The following CABLES2 variants were observed in gnomAD, a reference collection of about 807,000 sequenced individuals.
CABLES2 encodes Cdk5 and Abl enzyme substrate 2, also known as CDK5 and ABL1 enzyme substrate 2.
A neutral mutation model predicts 44.8 loss-of-function variants in CABLES2; 35 were observed. That is an observed-to-expected ratio of 0.78 (90% CI 0.60 to 1.04). The LOEUF (loss-of-function observed/expected upper bound fraction) is 1.04. CABLES2 is among the 50% of genes least tolerant of loss of function. The pLI is 0.00. For synonymous variants in CABLES2, 282 were observed against 281.1 expected (o/e 1.00, Z -0.03); for missense variants, 566 against 615.7 (o/e 0.92, Z 0.85).
In CABLES2 at chr20:62,390,286, A is replaced by G. The variant is rs971914969; in HGVS notation, c.*685T>C. 2 of 152,682 alleles carry G rather than the reference A, an allele frequency of 1.3e-5. No homozygotes were observed. Among genetic ancestry groups the G allele is most frequent in the African/African-American group, 4.8e-5 (2 of 41,436 alleles). 9.5% of individuals were successfully genotyped at this position (152,682 alleles called of 1,614,324 possible). ...GATTTCACAGTGACACGATGCTTGA[A>G]GAACAGAGAGGTCCAAGAGTCCAAG... On this transcript the variant is annotated 3_prime_UTR_variant, in exon 10 of 10. Coordinates refer to ENST00000279101, the MANE Select transcript of CABLES2 (RefSeq NM_031215.3).
intron 5 of CABLES2, 66 bp from the exon 6 acceptor site, chr20:62,393,671 G>C: frequency 6.7e-7 from 1 of 1,484,036 alleles, no homozygotes; most frequent in African/African-American, 1.4e-5. Flanking sequence ...GTGAGCTCCC[G>C]CTGCAGGAAG....
At chr20:62,400,530 G>A (rs1206981841) in intron 1 of CABLES2, among the ~76,000 whole-genome samples, 1 of 152,228 alleles carries the variant, frequency 6.6e-6, no homozygotes, top group African/African-American at 2.4e-5. Context: ...CCCCAGAGAG[G>A]TGTTTGTGTG....
chr20:62,406,375 T>G, intron 1 of CABLES2, among the ~76,000 whole-genome samples: 1 of 150,820 alleles, frequency 6.6e-6, no homozygotes, highest in Non-Finnish European at 1.5e-5. Context: ...CTGGTACCAG[T>G]GGATGGGGGT....
At chr20:62,406,480 C>G (rs1988287281) in intron 1 of CABLES2, among the ~76,000 whole-genome samples, 1 of 152,050 alleles carries the variant, frequency 6.6e-6, no homozygotes, top group African/African-American at 2.4e-5. Flanking sequence ...CGTGGAGATC[C>G]AGACCCCGTA....
At chr20:62,400,671 G>A (rs2427318) in intron 1 of CABLES2, among the ~76,000 whole-genome samples, 5 of 151,640 alleles carry the variant, frequency 3.3e-5, no homozygotes, top group Middle Eastern at 7.0e-3. Context: ...TTGGAGGCCC[G>A]TGGGGGTCCC....
intron 1 of CABLES2, among the ~76,000 whole-genome samples, chr20:62,406,596 G>T (rs926400935): frequency 2.0e-5 from 3 of 152,188 alleles, no homozygotes; most frequent in Admixed American, 6.5e-5. Context: ...CTGTATCCAG[G>T]ACTGACAAGG....
intron 5 of CABLES2, 120 bp from the exon 6 acceptor site, chr20:62,393,725 AC>A: frequency 9.1e-7 from 1 of 1,100,226 alleles, no homozygotes. Flanking sequence ...AATGAAGGGA[AC>A]AACTCAGATC....
chr20:62,401,801 G>A (rs1293549777), intron 1 of CABLES2, among the ~76,000 whole-genome samples: 1 of 152,214 alleles, frequency 6.6e-6, no homozygotes, highest in Non-Finnish European at 1.5e-5. Context: ...CCGCAGGGGA[G>A]TGGCTCCGTG....
At chr20:62,406,873 G>A (rs1047848792) in intron 1 of CABLES2, 42 bp downstream of exon 1, 2 of 1,108,064 alleles carry the variant, frequency 1.8e-6, no homozygotes, top group East Asian at 3.7e-5. Flanking sequence ...CCCCGTCCCT[G>A]TACCCCGCGT....
rs200810639 is a variant in CABLES2 at position 62,391,436 on chromosome 20, C to T, written c.1109G>A (p.Arg370Gln). The change falls in exon 9 of 10, where the codon CGG becomes CAG. Residue 370 changes from arginine (R) to glutamine (Q), a missense_variant. Transcript: ENST00000279101. The surrounding 1 kb of genome is among the most constrained non-coding windows in gnomAD (Gnocchi z 5.7). ...SKIRSLKREMRSLSEECSLEP... is the reference protein window; with the variant it reads ...SKIRSLKREMQSLSEECSLEP... ...CAGGCTGCACTCCTCCGACAGGCTCCGCATCTCCCGCTTTAAGCTGTGGGT... is the reference window on the plus strand; with the variant it reads ...CAGGCTGCACTCCTCCGACAGGCTCTGCATCTCCCGCTTTAAGCTGTGGGT... 8.4e-5 allele frequency: 135 copies of T among 1,613,110 alleles called. No homozygotes were observed. The highest frequency in any genetic ancestry group is 5.8e-4 in the South Asian group (53 of 91,084).
chr20:62,398,597 C>T (rs1217001218), intron 1 of CABLES2, among the ~76,000 whole-genome samples: 1 of 152,228 alleles, frequency 6.6e-6, no homozygotes, highest in Non-Finnish European at 1.5e-5. Flanking sequence ...TGGGCCTTCC[C>T]CCAGCAGGAC....
intron 1 of CABLES2, among the ~76,000 whole-genome samples, chr20:62,398,127 A>ACGGTGGTGGTGGTGG (rs1988095308): frequency 3.4e-5 from 1 of 29,610 alleles, no homozygotes; most frequent in Admixed American, 3.7e-4. Context: ...GGTGGTGGTT[A>ACGGTGGTGGTGGTGG]TGACGGTGGT....
chr20:62,398,082 G>GTGGTGA (rs1433625831), intron 1 of CABLES2, among the ~76,000 whole-genome samples: 1 of 82,138 alleles, frequency 1.2e-5, no homozygotes, highest in Non-Finnish European at 2.4e-5. Flanking sequence ...GGTGGTGGTG[G>GTGGTGA]TGGTGACGGT....
chr20:62,394,741 GGA>G lies in CABLES2; in HGVS notation c.605+194_605+195del, dbSNP rs144497063. ...AGCGTGAACAGAAACCGGCTCCTCT[GGA>G]GAGTGAGGACCCGAAACGGCCCCGG... On this transcript the variant is annotated intron_variant, in intron 4 of 9. Transcript: ENST00000279101. Among the ~76,000 whole-genome samples, 4 of 152,356 alleles carry G rather than the reference GGA, an allele frequency of 2.6e-5. No individual in the cohort carries two copies. In the East Asian group the frequency reaches 7.7e-4, roughly 29 times the overall value.
intron 1 of CABLES2, chr20:62,402,183 A>C (rs937320096): frequency 1.3e-5 from 2 of 152,232 alleles, no homozygotes; most frequent in African/African-American, 4.8e-5. Flanking sequence ...CACTCTCAGC[A>C]CTAAATGGCG....
At chr20:62,397,929 GTGGTGGTGA>G (rs1223329831) in intron 1 of CABLES2, among the ~76,000 whole-genome samples, 3 of 116,122 alleles carry the variant, frequency 2.6e-5, no homozygotes, top group Admixed American at 2.5e-4. Flanking sequence ...GGTGATGGTG[GTGGTGGTGA>G]TGGTGGTGAC....
chr20:62,393,095 C>G, intron 6 of CABLES2, 72 bp from the exon 7 acceptor site: 1 of 1,388,176 alleles, frequency 7.2e-7, no homozygotes, highest in Non-Finnish European at 1.0e-6. Context: ...GCCTGGCAGG[C>G]CAGCGCCATG....
chr20:62,397,613 C>G (rs1303727890), intron 1 of CABLES2, among the ~76,000 whole-genome samples: 3 of 152,178 alleles, frequency 2.0e-5, no homozygotes, highest in Non-Finnish European at 4.4e-5. Flanking sequence ...CACGCAACTC[C>G]AAGTGCAGAG....
chr20:62,398,079 GTGGTGGTGACGGTGGTGGTGGTGGTGA>G (rs1988083179), intron 1 of CABLES2, among the ~76,000 whole-genome samples: 1 of 136,684 alleles, frequency 7.3e-6, no homozygotes, highest in Non-Finnish European at 1.6e-5. Context: ...GACGGTGGTG[GTGGTGGTGACGGTGGTGGTGGTGGTGA>G]TGGTGGTGGT....
Sources: allele counts gnomAD v4.1 joint callset (sites outside exome capture counted in the v4.1 genomes callset), GRCh38; gene constraint gnomAD v4.1.1; non-coding constraint Gnocchi (gnomAD v3.1); transcripts MANE v1.5; gene names NCBI Gene and HGNC (gene_info 2026-07-23, HGNC 2026-07-21).